Variants in FCHSD2 observed in about 807,000 individuals in gnomAD.
The protein encoded by FCHSD2 is F-BAR and double SH3 domains protein 2.
A neutral mutation model predicts 108.1 loss-of-function variants in FCHSD2; 38 were observed. The observed-to-expected ratio is 0.35, with a 90% CI of 0.27 to 0.46. The LOEUF is 0.46. Ranked by LOEUF, FCHSD2 falls within the 20% of genes least tolerant of loss-of-function variation. The pLI, the probability that FCHSD2 is intolerant of heterozygous loss-of-function variation, is 1.00. For missense variants in FCHSD2, 751 were observed against 897.8 expected (o/e 0.84, Z 2.09); for synonymous variants, 279 against 314.7 (o/e 0.89, Z 1.20).
chr11:73,027,734 G>A (rs1858261535), intron 3 of FCHSD2, among the ~76,000 whole-genome samples: 1 of 152,236 alleles, frequency 6.6e-6, no homozygotes, highest in Non-Finnish European at 1.5e-5. Context: ...GGAGGCCTAG[G>A]AAGGAAAAAT....
chr11:72,927,420 T>C lies in FCHSD2; in HGVS notation c.706-5470A>G, dbSNP rs115550866. 9.2e-3 allele frequency among the ~76,000 whole-genome samples: 1,396 copies of C among 152,274 alleles called. 22 individuals carry two copies. Among genetic ancestry groups the C allele is most frequent in the African/African-American group, 0.031 (1,272 of 41,548 alleles). On this transcript the variant is annotated intron_variant, in intron 8 of 19. Transcript: ENST00000409418. ...TGATGATGGTGTCAGTGTAGGTTCA[T>C]CAATTGCAACAAATGTGCCACTCTG...
intron 3 of FCHSD2, among the ~76,000 whole-genome samples, chr11:73,075,685 C>T (rs954763034): frequency 6.6e-5 from 10 of 151,512 alleles, no homozygotes; most frequent in African/African-American, 2.4e-4. Flanking sequence ...AGTGGTGGTG[C>T]GTGCCTGTAA....
At chr11:72,846,153 T>C (rs1861134701) in intron 14 of FCHSD2, among the ~76,000 whole-genome samples, 1 of 151,624 alleles carries the variant, frequency 6.6e-6, no homozygotes, top group Non-Finnish European at 1.5e-5. Context: ...AGACTACTCA[T>C]GATGAGTAAG....
chr11:72,952,042 C>A (rs1856629919), intron 8 of FCHSD2, among the ~76,000 whole-genome samples: 3 of 152,076 alleles, frequency 2.0e-5, no homozygotes, highest in Non-Finnish European at 4.4e-5. Context: ...ATCAAAAATT[C>A]CCTGAAGCTT....
chr11:72,919,047 C>T (rs1036195454), intron 9 of FCHSD2, among the ~76,000 whole-genome samples: 57 of 152,076 alleles, frequency 3.7e-4, no homozygotes, highest in African/African-American at 1.3e-3. Context: ...TTAACATTTA[C>T]AGTATGTTGG....
chr11:73,003,269 C>T (rs1453031926), intron 4 of FCHSD2, among the ~76,000 whole-genome samples: 1 of 152,096 alleles, frequency 6.6e-6, no homozygotes, highest in Non-Finnish European at 1.5e-5. Context: ...GGAGAAATAA[C>T]AAAAATACCT....
At chr11:73,093,664 C>G (rs557715470) in intron 2 of FCHSD2, among the ~76,000 whole-genome samples, 2 of 152,044 alleles carry the variant, frequency 1.3e-5, no homozygotes, top group African/African-American at 4.8e-5. Flanking sequence ...TGCAATGACG[C>G]GGTCTTGGCT....
rs185798316 is a variant in FCHSD2, at chr11:72,887,312, C to A, written c.1146+158G>T. ...TTTTTGTTATATGTACTGCCTTCCA[C>A]AGAGCAGGTACTCAACAAATACTAC... On this transcript the variant is annotated intron_variant, in intron 12 of 19. Transcript: ENST00000409418. Among the ~76,000 whole-genome samples, 10 of 152,210 alleles carry A rather than the reference C, an allele frequency of 6.6e-5. No homozygotes were observed. The East Asian group carries it at 1.9e-3, about 29-fold the overall frequency.
At chr11:72,852,765 T>A (rs977962949) in intron 13 of FCHSD2, among the ~76,000 whole-genome samples, 1 of 151,894 alleles carries the variant, frequency 6.6e-6, no homozygotes, top group East Asian at 1.9e-4. Flanking sequence ...CAATGACAAG[T>A]TGAATAAAGA....
rs376421601 is a variant in FCHSD2 at position 73,080,960 on chromosome 11, A to AAAAAT, written c.165+2730_165+2734dup. Among the ~76,000 whole-genome samples the AAAAAT allele has an allele frequency of 2.4e-3, 369 of 151,982 alleles. 3 individuals carry two copies. The highest frequency in any genetic ancestry group is 7.1e-3 in the African/African-American group (292 of 41,388). The stretch of plus-strand genomic sequence containing the variant: ...CAAGACTCTGTCTCAAAAAAACAAC[A>AAAAAT]AAAATAAAATAAAATAAAATAAAAT... On this transcript the variant is annotated intron_variant, in intron 3 of 19. Transcript: ENST00000409418.
chr11:73,041,090 A>G (rs1410450319), intron 3 of FCHSD2, among the ~76,000 whole-genome samples: 1 of 152,160 alleles, frequency 6.6e-6, no homozygotes, highest in African/African-American at 2.4e-5. Flanking sequence ...ATAGTATTCC[A>G]TTGTGTATAT....
chr11:72,946,223 A>T (rs1205717713), intron 8 of FCHSD2, among the ~76,000 whole-genome samples: 1 of 152,194 alleles, frequency 6.6e-6, no homozygotes, highest in African/African-American at 2.4e-5. Flanking sequence ...GCCATAAAAA[A>T]TGATGAGTTC....
chr11:72,849,697 C>T, intron 14 of FCHSD2, 58 bp downstream of exon 14: 17 of 1,307,112 alleles, frequency 1.3e-5, no homozygotes, highest in Middle Eastern at 1.9e-4. Flanking sequence ...TGGATACAGT[C>T]ATGTGTATCT....
intron 6 of FCHSD2, among the ~76,000 whole-genome samples, chr11:72,985,510 C>A (rs1394000446): frequency 2.0e-5 from 3 of 152,184 alleles, no homozygotes; most frequent in African/African-American, 7.2e-5. Flanking sequence ...CAGGGACAAT[C>A]AACCTATGGA....
Position 72,993,930 on chromosome 11 carries a change from A to G in FCHSD2, c.388-4833T>C, listed in dbSNP as rs1199310359. Among the ~76,000 whole-genome samples the G allele has an allele frequency of 2.0e-5, 3 of 152,126 alleles. 1 individual carries two copies. Among genetic ancestry groups the G allele is most frequent in the Admixed American group, 2.0e-4 (3 of 15,268 alleles). On this transcript the variant is annotated intron_variant, in intron 5 of 19. Coordinates refer to ENST00000409418, the MANE Select transcript of FCHSD2 (RefSeq NM_014824.3). The stretch of plus-strand genomic sequence containing the variant: ...AATAAAAATAAATAAATAAATAAAT[A>G]TCGGATAGAAAAGCCAGGCTTTGGG...
chr11:72,937,208 G>T (rs1181192851), intron 8 of FCHSD2, among the ~76,000 whole-genome samples: 1 of 152,136 alleles, frequency 6.6e-6, no homozygotes, highest in Non-Finnish European at 1.5e-5. Flanking sequence ...TAAAACAGAA[G>T]TTTAGATATT....
chr11:73,024,911 T>G (rs1404735687), intron 3 of FCHSD2, among the ~76,000 whole-genome samples: 1 of 152,106 alleles, frequency 6.6e-6, no homozygotes, highest in Non-Finnish European at 1.5e-5. Context: ...CACTGATCAT[T>G]AGAAAAATGC....
chr11:73,027,416 TC>T (rs1213375574), intron 3 of FCHSD2, among the ~76,000 whole-genome samples: 1 of 152,188 alleles, frequency 6.6e-6, no homozygotes, highest in Non-Finnish European at 1.5e-5. Flanking sequence ...AGAAGAAATT[TC>T]TAAGCAGCAA....
chr11:73,119,956 A>C (rs904662432), intron 2 of FCHSD2, among the ~76,000 whole-genome samples: 1 of 152,238 alleles, frequency 6.6e-6, no homozygotes, highest in Non-Finnish European at 1.5e-5. Context: ...ACAGTTCCAC[A>C]TGGCTGGGGA....
Sources: gnomAD v4.1 joint callset for allele counts (sites outside exome capture counted in the v4.1 genomes callset) on GRCh38, gnomAD v4.1.1 for gene constraint, MANE v1.5 for transcripts, NCBI Gene and HGNC (gene_info 2026-07-23, HGNC 2026-07-21) for gene names.